PDE4D: variants seen among roughly 807,000 people sequenced by gnomAD.
PDE4D encodes the protein phosphodiesterase 4D.
Under a neutral mutation model 87.4 loss-of-function variants are expected in PDE4D, and 24 were observed. That is an observed-to-expected ratio of 0.27 (90% CI 0.20 to 0.39). The LOEUF (loss-of-function observed/expected upper bound fraction) is 0.39. Among genes scored for constraint, PDE4D ranks in the 10% least tolerant of loss-of-function variants. PDE4D has a pLI of 1.00. For missense variants in PDE4D, 714 were observed against 1,041.0 expected (o/e 0.69, Z 4.32); for synonymous variants, 384 against 383.2 (o/e 1.00, Z -0.02).
chr5:59,908,555 C>T (rs754205851), intron 3 of PDE4D, among the ~76,000 whole-genome samples: 10 of 152,150 alleles, frequency 6.6e-5, no homozygotes, highest in Non-Finnish European at 8.8e-5. Context: ...ATAATAACCT[C>T]CTCAAGATGT....
chr5:59,870,362 A>C (rs1314097123), intron 1 of PDE4D, among the ~76,000 whole-genome samples: 1 of 152,234 alleles, frequency 6.6e-6, no homozygotes, highest in Non-Finnish European at 1.5e-5. Flanking sequence ...TTACAAAGTG[A>C]TATGTGGAAA....
At position 59,067,123 on chromosome 5, in the gene PDE4D, T is replaced by C. The variant is rs895899854; in HGVS notation, c.809-28152A>G. On this transcript the variant is annotated intron_variant, in intron 5 of 14. Transcript: ENST00000340635. ...TCTCCTTCCCAGGTGCAAGTGATTC[T>C]AGTGCCTTAGCCTCCTGAGTTGCTG... 8.6e-4 allele frequency among the ~76,000 whole-genome samples: 131 copies of C among 152,148 alleles called. 2 individuals are homozygous for C. The highest frequency in any genetic ancestry group is 3.0e-3 in the African/African-American group (124 of 41,516).
chr5:59,308,558 C>A (rs932387639), intron 1 of PDE4D, among the ~76,000 whole-genome samples: 2 of 151,982 alleles, frequency 1.3e-5, no homozygotes, highest in Non-Finnish European at 2.9e-5. Flanking sequence ...GAAGATAGGG[C>A]CCCAGTCCCT....
intron 1 of PDE4D, among the ~76,000 whole-genome samples, chr5:59,697,052 T>C (rs566552580): frequency 6.6e-6 from 1 of 152,284 alleles, no homozygotes; most frequent in South Asian, 2.1e-4. Context: ...TATTTGGGAA[T>C]AGAAAGAGAG....
At chr5:59,878,520 C>T in intron 1 of PDE4D, among the ~76,000 whole-genome samples, 1 of 152,088 alleles carries the variant, frequency 6.6e-6, no homozygotes, top group East Asian at 1.9e-4. Context: ...GCTATATTGC[C>T]CAGGCTAGTC....
intron 1 of PDE4D, among the ~76,000 whole-genome samples, chr5:59,265,694 T>G (rs551485331): frequency 6.6e-6 from 1 of 152,044 alleles, no homozygotes; most frequent in Non-Finnish European, 1.5e-5. Flanking sequence ...TAAGAAAATA[T>G]GCGAATCATG....
At chr5:59,775,500 C>T (rs1302978335) in intron 1 of PDE4D, among the ~76,000 whole-genome samples, 2 of 149,600 alleles carry the variant, frequency 1.3e-5, no homozygotes, top group East Asian at 3.9e-4. Context: ...AGAAAACTGA[C>T]ATACAAAAAA....
At chr5:59,372,646 C>A (rs906816132) in intron 1 of PDE4D, among the ~76,000 whole-genome samples, 4 of 152,166 alleles carry the variant, frequency 2.6e-5, no homozygotes, top group African/African-American at 9.7e-5. Flanking sequence ...ACCACCCTAC[C>A]CCCAGCCAAC....
chr5:60,134,249 C>A (rs966437561), intron 2 of PDE4D, among the ~76,000 whole-genome samples: 2 of 152,126 alleles, frequency 1.3e-5, no homozygotes, highest in African/African-American at 4.8e-5. Flanking sequence ...GTAATCCCAG[C>A]ACTTTAGGAG....
At chr5:59,443,024 C>T (rs1797870271) in intron 1 of PDE4D, among the ~76,000 whole-genome samples, 1 of 152,100 alleles carries the variant, frequency 6.6e-6, no homozygotes, top group African/African-American at 2.4e-5. Context: ...GAAATTTCAA[C>T]AGATACAAGA....
intron 1 of PDE4D, among the ~76,000 whole-genome samples, chr5:59,733,217 A>T (rs1757626242): frequency 6.6e-6 from 1 of 152,120 alleles, no homozygotes; most frequent in South Asian, 2.1e-4. Context: ...ATTGGTGGTG[A>T]TATTAAAAAG....
intron 1 of PDE4D, among the ~76,000 whole-genome samples, chr5:59,273,389 C>T (rs965336353): frequency 6.6e-6 from 1 of 151,540 alleles, no homozygotes; most frequent in African/African-American, 2.4e-5. Flanking sequence ...TCTCTATATA[C>T]CAAATCTATA....
chr5:59,586,528 CCCA>C (rs1825167249), intron 1 of PDE4D: 5 of 1,422,892 alleles, frequency 3.5e-6, no homozygotes, highest in Non-Finnish European at 4.6e-6. Flanking sequence ...AAAATCTCCC[CCCA>C]CCAATAAAAA....
At chr5:60,246,662 A>AT (rs956902116) in intron 1 of PDE4D, among the ~76,000 whole-genome samples, 1 of 151,576 alleles carries the variant, frequency 6.6e-6, no homozygotes, top group Non-Finnish European at 1.5e-5. Context: ...TTTATAATTC[A>AT]TTTATGTCTC....
chr5:59,997,653 T>C (rs1763635562), intron 2 of PDE4D, among the ~76,000 whole-genome samples: 1 of 152,186 alleles, frequency 6.6e-6, no homozygotes, highest in Non-Finnish European at 1.5e-5. Flanking sequence ...TTGGCTTTGA[T>C]ATTCAGATAA....
At chr5:60,425,344 C>A (rs1423100649) in intron 1 of PDE4D, among the ~76,000 whole-genome samples, 1 of 151,954 alleles carries the variant, frequency 6.6e-6, no homozygotes, top group African/African-American at 2.4e-5. Context: ...AGATATAGAC[C>A]AAGAAATAGA....
intron 2 of PDE4D, among the ~76,000 whole-genome samples, chr5:59,211,704 G>T (rs2153503565): frequency 6.6e-6 from 1 of 152,042 alleles, no homozygotes; most frequent in South Asian, 2.1e-4. Context: ...AAGATAGCTG[G>T]TGTGAAAATA....
At chr5:59,823,973 C>A (rs993857650) in intron 1 of PDE4D, among the ~76,000 whole-genome samples, 1 of 151,578 alleles carries the variant, frequency 6.6e-6, no homozygotes, top group Non-Finnish European at 1.5e-5. Context: ...TGTCGCTCTC[C>A]ATTGCATCAC....
chr5:60,206,091 T>C (rs1180330608), intron 1 of PDE4D, among the ~76,000 whole-genome samples: 1 of 152,134 alleles, frequency 6.6e-6, no homozygotes, highest in East Asian at 1.9e-4. Flanking sequence ...ATCCTGACCC[T>C]CTCAGCTTCT....
Sources: allele counts gnomAD v4.1 joint callset (sites outside exome capture counted in the v4.1 genomes callset), GRCh38; gene constraint gnomAD v4.1.1; transcripts MANE v1.5; gene names NCBI Gene and HGNC (gene_info 2026-07-23, HGNC 2026-07-21).